IGSF3: variants seen among roughly 807,000 people sequenced by gnomAD.
The protein encoded by IGSF3 is glu-Trp-Ile EWI motif-containing protein 3.
Under a neutral mutation model 114.4 loss-of-function variants are expected in IGSF3, and 23 were observed. The observed-to-expected ratio is 0.20, with a 90% CI of 0.14 to 0.28. The LOEUF (loss-of-function observed/expected upper bound fraction) is 0.28. Ranked by LOEUF, IGSF3 falls within the 10% of genes least tolerant of loss-of-function variation. IGSF3 has a pLI of 1.00. For missense variants in IGSF3, 1,172 were observed against 1,591.5 expected (o/e 0.74, Z 4.48); for synonymous variants, 571 against 645.2 (o/e 0.88, Z 1.74).
At chr1:116,599,069 G>A (rs1660462228) in intron 7 of IGSF3, among the ~76,000 whole-genome samples, 1 of 152,094 alleles carries the variant, frequency 6.6e-6, no homozygotes, top group South Asian at 2.1e-4. Flanking sequence ...AAAGACAACC[G>A]GGGTTCAAAT....
In IGSF3 at chr1:116,649,432, C is replaced by T. The variant is rs2336318; in HGVS notation, c.43+16852G>A. On this transcript the variant is annotated intron_variant, in intron 2 of 10. Coordinates refer to ENST00000369486, the MANE Select transcript of IGSF3 (RefSeq NM_001007237.3). This position sits in a 1 kb window ranked among gnomAD's most constrained non-coding sequence, Gnocchi z 4.5. ...TAGCCCTATTTTCAAATGAATTCAA[C>T]GCCTCATTACTTAGATCTTTCCTCA... Among the ~76,000 whole-genome samples, 37 of 152,312 alleles carry T rather than the reference C, an allele frequency of 2.4e-4. No individual in the cohort carries two copies. Among genetic ancestry groups the T allele is most frequent in the Non-Finnish European group, 4.4e-4 (30 of 68,030 alleles).
At chr1:116,641,251 A>G (rs1237236755) in intron 2 of IGSF3, among the ~76,000 whole-genome samples, 1 of 152,150 alleles carries the variant, frequency 6.6e-6, no homozygotes, top group Non-Finnish European at 1.5e-5. Context: ...TAATTCCAGC[A>G]CTTTGGAAGG....
In IGSF3 at chr1:116,593,723, G is replaced by A. The variant is rs1256567910; in HGVS notation, c.2030-4619C>T. 5.9e-5 allele frequency among the ~76,000 whole-genome samples: 9 copies of A among 152,176 alleles called. No individual in the cohort carries two copies. In the East Asian group the frequency reaches 1.7e-3, roughly 29 times the overall value. Reference sequence around the variant, plus strand: ...CTCCCTCTCAGCCTAGCCACAGCCAGGGGATTTCCCTAAATGGCAAATGGG... The same window carrying A: ...CTCCCTCTCAGCCTAGCCACAGCCAAGGGATTTCCCTAAATGGCAAATGGG... On this transcript the variant is annotated intron_variant, in intron 7 of 10. Transcript: ENST00000369486. The surrounding 1 kb of genome is among the most constrained non-coding windows in gnomAD (Gnocchi z 4.5).
intron 2 of IGSF3, among the ~76,000 whole-genome samples, chr1:116,630,225 A>G (rs1571173694): frequency 6.6e-6 from 1 of 152,182 alleles, no homozygotes; most frequent in East Asian, 1.9e-4. Context: ...AGATGCTGTT[A>G]AGGGGCTCTC....
In IGSF3 at chr1:116,579,826, T is replaced by C; in HGVS notation, c.2900A>G (p.Lys967Arg). Residue 967 changes from lysine to arginine, a missense_variant, in exon 10 of 11, where the codon AAG (lysine) becomes AGG (arginine). Lys to Arg is a conservative substitution (Grantham distance 26, BLOSUM62 2). This residue lies in a region of IGSF3 where 423 missense variants were observed against 509.8 expected (regional missense o/e 0.83). Coordinates refer to ENST00000369486, the MANE Select transcript of IGSF3 (RefSeq NM_001007237.3). The surrounding 1 kb of genome is among the most constrained non-coding windows in gnomAD (Gnocchi z 6.4). Reference protein sequence around the residue: ...TVVPNATVSEKAAFQLDCSIV... With the variant: ...TVVPNATVSERAAFQLDCSIV... ...GCTACAGTCCAGCTGGAAAGCTGCC[T>C]TCTCAGAGACCGTGGCATTGGGGAC... The C allele has an allele frequency of 1.2e-6, 2 of 1,613,280 alleles. No individual in the cohort carries two copies. Among genetic ancestry groups the C allele is most frequent in the Non-Finnish European group, 1.7e-6 (2 of 1,179,954 alleles).
chr1:116,611,920 T>C (rs1661038338), intron 4 of IGSF3, among the ~76,000 whole-genome samples: 1 of 152,126 alleles, frequency 6.6e-6, no homozygotes, highest in Non-Finnish European at 1.5e-5. Flanking sequence ...CCTTCAATGC[T>C]GTGGAGACTG....
At position 116,582,815 on chromosome 1, in the gene IGSF3, T is replaced by C. The variant is rs557726014; in HGVS notation, c.2848+1830A>G. ...AAAATATACACCAAATTATTAATAG[T>C]AGATATTTGTAGGCCGTGAGATTAT... On this transcript the variant is annotated intron_variant, in intron 9 of 10. Transcript: ENST00000369486. This position sits in a 1 kb window ranked among gnomAD's most constrained non-coding sequence, Gnocchi z 4.7. Among the ~76,000 whole-genome samples, 1 of 152,210 alleles carries C rather than the reference T, an allele frequency of 6.6e-6. No homozygotes were observed. Among genetic ancestry groups the C allele is most frequent in the Admixed American group, 6.5e-5 (1 of 15,286 alleles).
At position 116,600,340 on chromosome 1, in the gene IGSF3, C is replaced by T. The variant is rs774131876; in HGVS notation, c.1630G>A (p.Gly544Ser). 1.2e-6 allele frequency: 2 copies of T among 1,606,224 alleles called. No homozygotes were observed. Among genetic ancestry groups the T allele is most frequent in the Non-Finnish European group, 1.7e-6 (2 of 1,175,036 alleles). The change falls in exon 7 of 11, where the codon GGC becomes AGC. Residue 544 changes from glycine to serine, a missense_variant. Physicochemically the swap from Gly to Ser is moderately conservative, Grantham distance 56 (BLOSUM62 0). Around this residue, in one of 3 missense-constraint regions of IGSF3, gnomAD observed 736 missense variants for 1,042.0 expected, o/e 0.71. Coordinates refer to ENST00000369486, the MANE Select transcript of IGSF3 (RefSeq NM_001007237.3). The surrounding 1 kb of genome is among the most constrained non-coding windows in gnomAD (Gnocchi z 5.5). The stretch of plus-strand genomic sequence containing the variant: ...CGGGAGATGGCTGTGACTGCGAAGC[C>T]CATTTCTGGAGAGAAAGCAGAGAGA... ...TPISITALEM[G>S]FAVTAISRTP... is the part of the protein sequence containing the mutation.
Position 116,616,047 on chromosome 1 carries a change from G to C in IGSF3, c.421+33C>G. On this transcript the variant is annotated intron_variant, in intron 3 of 10. Coordinates refer to ENST00000369486, the MANE Select transcript of IGSF3 (RefSeq NM_001007237.3). This position sits in a 1 kb window ranked among gnomAD's most constrained non-coding sequence, Gnocchi z 6.6. ...GCTACTAAAGAACTGAGTCAGGCCAGACGCTGGCAACGTGAAGACAGCTTC... is the reference window on the plus strand; with the variant it reads ...GCTACTAAAGAACTGAGTCAGGCCACACGCTGGCAACGTGAAGACAGCTTC... The C allele has an allele frequency of 6.4e-7, 1 of 1,568,768 alleles. No homozygotes were observed.
chr1:116,613,576 G>C (rs1215631671), intron 4 of IGSF3, among the ~76,000 whole-genome samples, 189 bp downstream of exon 4: 1 of 152,218 alleles, frequency 6.6e-6, no homozygotes, highest in Non-Finnish European at 1.5e-5. Flanking sequence ...CTGTGACTCA[G>C]GTCTTAGGAT....
rs557914786 is a variant in IGSF3, at chr1:116,654,175, A to C, written c.43+12109T>G. Among the ~76,000 whole-genome samples the C allele has an allele frequency of 7.2e-5, 11 of 152,346 alleles. No homozygotes were observed. Among genetic ancestry groups the C allele is most frequent in the Non-Finnish European group, 1.5e-4 (10 of 68,030 alleles). ...AACCAACACCAAACCACTGCCAAAC[A>C]AAGCTGAAGAGGAAAACCAGAAAGG... On this transcript the variant is annotated intron_variant, in intron 2 of 10. Coordinates refer to ENST00000369486, the MANE Select transcript of IGSF3 (RefSeq NM_001007237.3). This position sits in a 1 kb window ranked among gnomAD's most constrained non-coding sequence, Gnocchi z 4.4.
At chr1:116,666,141 C>A (rs1038555832) in intron 2 of IGSF3, 143 bp downstream of exon 2, 2 of 779,518 alleles carry the variant, frequency 2.6e-6, no homozygotes, top group Non-Finnish European at 4.6e-6. Context: ...TCTTCGTACT[C>A]TACTCCAACC....
Position 116,624,290 on chromosome 1 carries a change from T to C in IGSF3, c.44-7833A>G, listed in dbSNP as rs1661509447. ...CACAATCCAGCAGCAAACCTAAAGT[T>C]TGGATCGAATTCCTAAGTCTTCGCC... On this transcript the variant is annotated intron_variant, in intron 2 of 10. Transcript: ENST00000369486. The surrounding 1 kb of genome is among the most constrained non-coding windows in gnomAD (Gnocchi z 4.9). Among the ~76,000 whole-genome samples, 1 of 152,128 alleles carries C rather than the reference T, an allele frequency of 6.6e-6. No individual in the cohort carries two copies. Among genetic ancestry groups the C allele is most frequent in the Non-Finnish European group, 1.5e-5 (1 of 68,026 alleles).
rs1281998245 is a variant in IGSF3, at chr1:116,598,654, G to C, written c.2029+1287C>G. 6.6e-6 allele frequency among the ~76,000 whole-genome samples: 1 copy of C among 152,190 alleles called. No homozygotes were observed. The highest frequency in any genetic ancestry group is 6.5e-5 in the Admixed American group (1 of 15,286). ...AGGCACTAACCATGGCTGTTAGTGGGCAGAAAAATCCCTTTGGCAAGGCGT... is the reference window on the plus strand; with the variant it reads ...AGGCACTAACCATGGCTGTTAGTGGCCAGAAAAATCCCTTTGGCAAGGCGT... On this transcript the variant is annotated intron_variant, in intron 7 of 10. Transcript: ENST00000369486. This position sits in a 1 kb window ranked among gnomAD's most constrained non-coding sequence, Gnocchi z 4.3.
chr1:116,607,882 C>G lies in IGSF3; in HGVS notation c.1222+60G>C. The G allele has an allele frequency of 1.3e-6, 2 of 1,530,464 alleles. No individual in the cohort carries two copies. Among genetic ancestry groups the G allele is most frequent in the South Asian group, 2.4e-5 (2 of 83,322 alleles). The allele number at this position is 1,530,464 out of a possible 1,614,324, so 94.8% of individuals were successfully genotyped here. On this transcript the variant is annotated intron_variant, in intron 5 of 10. Coordinates refer to ENST00000369486, the MANE Select transcript of IGSF3 (RefSeq NM_001007237.3). This position sits in a 1 kb window ranked among gnomAD's most constrained non-coding sequence, Gnocchi z 6.1. ...CTTCACCACGCTATTCTCTCTCCCC[C>G]TACCTCTCCTAAATGATGCTGAGCC...
At position 116,636,271 on chromosome 1, in the gene IGSF3, G is replaced by A. The variant is rs1020639292; in HGVS notation, c.44-19814C>T. ...ATCTGTTCAGCTATCCACTCTTCAC[G>A]GCTTGGTTTTCATGCACTCTGAGTT... On this transcript the variant is annotated intron_variant, in intron 2 of 10. Coordinates refer to ENST00000369486, the MANE Select transcript of IGSF3 (RefSeq NM_001007237.3). The surrounding 1 kb of genome is among the most constrained non-coding windows in gnomAD (Gnocchi z 4.5). Among the ~76,000 whole-genome samples the A allele has an allele frequency of 3.9e-5, 6 of 152,062 alleles. No individual in the cohort carries two copies. Among genetic ancestry groups the A allele is most frequent in the Admixed American group, 1.3e-4 (2 of 15,266 alleles).
Position 116,655,053 on chromosome 1 carries a change from A to G in IGSF3, c.43+11231T>C, listed in dbSNP as rs4098771. Among the ~76,000 whole-genome samples the G allele has an allele frequency of 0.06, 9,207 of 152,240 alleles. 902 individuals are homozygous for G. Among genetic ancestry groups the G allele is most frequent in the African/African-American group, 0.21 (8,678 of 41,480 alleles). On this transcript the variant is annotated intron_variant, in intron 2 of 10. Coordinates refer to ENST00000369486, the MANE Select transcript of IGSF3 (RefSeq NM_001007237.3). The surrounding 1 kb of genome is among the most constrained non-coding windows in gnomAD (Gnocchi z 4.3). ...AAAAAGATGTACCTTAGGAATAAAA[A>G]AGAGTTCCCCAATGTCACAGTGTAT...
chr1:116,614,661 G>A lies in IGSF3; in HGVS notation c.422-486C>T, dbSNP rs1259996348. 6.6e-6 allele frequency among the ~76,000 whole-genome samples: 1 copy of A among 152,066 alleles called. No homozygotes were observed. The highest frequency in any genetic ancestry group is 1.9e-4 in the East Asian group (1 of 5,194). The stretch of plus-strand genomic sequence containing the variant: ...CCATCCTGTAACTTACTTCAGCAAT[G>A]CAGCCCTAGGAAGATGATTTTTTTA... On this transcript the variant is annotated intron_variant, in intron 3 of 10. Transcript: ENST00000369486. This position sits in a 1 kb window ranked among gnomAD's most constrained non-coding sequence, Gnocchi z 4.5.
intron 9 of IGSF3, among the ~76,000 whole-genome samples, chr1:116,580,626 C>G (rs1402743829): frequency 2.0e-5 from 3 of 152,270 alleles, no homozygotes; most frequent in Admixed American, 6.5e-5. Flanking sequence ...GCCAGAAGAG[C>G]TCTTACCAGA....
Sources: gnomAD v4.1 joint callset for allele counts (sites outside exome capture counted in the v4.1 genomes callset) on GRCh38, gnomAD v4.1.1 for gene constraint, gnomAD v4.1.1 regional missense constraint, Gnocchi (gnomAD v3.1) non-coding constraint, MANE v1.5 for transcripts, NCBI Gene and HGNC (gene_info 2026-07-23, HGNC 2026-07-21) for gene names.